The following ZNF90 variants were observed in gnomAD, a reference collection of about 807,000 sequenced individuals.
The protein encoded by ZNF90 is zinc finger protein 90, also known as zinc finger protein HTF9.
ZNF90 carries 11 observed loss-of-function variants against 12.0 expected under a neutral mutation model. The observed-to-expected ratio is 0.92, with a 90% CI of 0.58 to 1.52. The LOEUF is 1.52. ZNF90 is among the 40% of genes most tolerant of loss of function. ZNF90 has a pLI of 0.00. For missense variants in ZNF90, 765 were observed against 711.5 expected, an observed-to-expected ratio of 1.08 and a Z score of -0.86; for synonymous variants, 232 against 240.1, an observed-to-expected ratio of 0.97 and a Z score of 0.31.
At chr19:20,112,514 G>A (rs780305466) in intron 3 of ZNF90, among the ~76,000 whole-genome samples, 14 of 151,686 alleles carry the variant, frequency 9.2e-5, no homozygotes, top group African/African-American at 3.4e-4. Context: ...TAGAGACGGG[G>A]TTTCACCATG....
intron 2 of ZNF90, 57 bp from the exon 3 acceptor site, chr19:20,105,164 T>G: frequency 7.3e-7 from 1 of 1,375,748 alleles, no homozygotes; most frequent in Non-Finnish European, 1.0e-6. Context: ...AGCACAGTAC[T>G]AGCTTGTAAT....
At chr19:20,104,421 T>C (rs991258430) in intron 2 of ZNF90, 56 bp downstream of exon 2, 4 of 1,525,914 alleles carry the variant, frequency 2.6e-6, no homozygotes, top group Non-Finnish European at 3.5e-6. Context: ...GTTTTTATGT[T>C]TTTTTGTGGA....
chr19:20,080,252 C>T lies in ZNF90; in HGVS notation c.3+2117C>T, dbSNP rs78401538. On this transcript the variant is annotated intron_variant, in intron 1 of 3. Transcript: ENST00000418063. ...TTGATGAGCACGATGCAATTCTTCA[C>T]CAGGGTCTTGGTACGGACTAGCTCG... 7 of 582,552 alleles carry T rather than the reference C, an allele frequency of 1.2e-5. No homozygotes were observed. The East Asian group carries it at 3.1e-4, about 26-fold the overall frequency. The allele number at this position is 582,552 out of a possible 1,614,324, so 36.1% of individuals were successfully genotyped here.
intron 1 of ZNF90, among the ~76,000 whole-genome samples, chr19:20,085,641 A>G (rs1263496738): frequency 6.6e-6 from 1 of 152,206 alleles, no homozygotes; most frequent in African/African-American, 2.4e-5. Context: ...CCTTCTTTCA[A>G]GTGCATACAT....
intron 3 of ZNF90, 127 bp downstream of exon 3, chr19:20,105,443 G>C (rs533046963): frequency 4.1e-6 from 3 of 734,446 alleles, no homozygotes; most frequent in African/African-American, 1.8e-5. Flanking sequence ...CTGGGATTCT[G>C]TTTTTTGTTT....
chr19:20,094,703 G>C (rs1225262636), intron 1 of ZNF90, among the ~76,000 whole-genome samples: 1 of 152,164 alleles, frequency 6.6e-6, no homozygotes, highest in African/African-American at 2.4e-5. Flanking sequence ...CCATTCATCT[G>C]GGGAGAGGGT....
intron 1 of ZNF90, among the ~76,000 whole-genome samples, chr19:20,092,120 G>T (rs930855610): frequency 4.6e-5 from 7 of 152,136 alleles, no homozygotes; most frequent in Admixed American, 2.0e-4. Flanking sequence ...GTGGGAGGCC[G>T]CATTTAAGTC....
Position 20,118,518 on chromosome 19 carries a change from T to C in ZNF90, c.964T>C (p.Phe322Leu). The C allele has an allele frequency of 6.2e-7, 1 of 1,613,688 alleles. No homozygotes were observed. The highest frequency in any genetic ancestry group is 8.5e-7 in the Non-Finnish European group (1 of 1,179,982). The change falls in exon 4 of 4, where the codon TTC (phenylalanine) becomes CTC (leucine). Residue 322 changes from phenylalanine (F) to leucine (L), a missense_variant. Coordinates refer to ENST00000418063, the MANE Select transcript of ZNF90 (RefSeq NM_007138.2). ...PYKCEECGKA[F>L]KLSSILSTHK... ...CAAATGTGAAGAATGTGGCAAAGCC[T>C]TCAAGCTCTCCTCAATCCTTAGTAC...
intron 1 of ZNF90, among the ~76,000 whole-genome samples, chr19:20,092,674 T>G (rs2088911857): frequency 6.6e-6 from 1 of 152,166 alleles, no homozygotes; most frequent in Non-Finnish European, 1.5e-5. Context: ...GTTGTTGTTT[T>G]GTAGAAGGGA....
rs782693541 is a variant in ZNF90, at chr19:20,104,210, A to ATG, written c.4-19_4-18dup. On this transcript the variant is annotated intron_variant, in intron 1 of 3. Coordinates refer to ENST00000418063, the MANE Select transcript of ZNF90 (RefSeq NM_007138.2). ...CTTTGCCCATGACCACTTGGTAAAA[A>ATG]TGTGTGTGTGTATATGTGTGTTTTT... is the stretch of plus-strand genomic sequence containing the variant. 13 of 1,610,680 alleles carry ATG rather than the reference A, an allele frequency of 8.1e-6. 1 individual carries two copies. The South Asian group carries it at 9.9e-5, about 12-fold the overall frequency.
At position 20,119,625 on chromosome 19, in the gene ZNF90, T is replaced by A; in HGVS notation, c.*265T>A. 1 of 280,796 alleles carries A rather than the reference T, an allele frequency of 3.6e-6. No individual in the cohort carries two copies. 17.4% of individuals were successfully genotyped at this position (280,796 alleles called of 1,614,324 possible). On this transcript the variant is annotated 3_prime_UTR_variant, in exon 4 of 4. Transcript: ENST00000418063. Reference sequence around the variant, plus strand: ...AGCCTATAACAAGTTCTCAATTCTTTTTTTTTTTTTTTAAGAAGGAGTTTC... The same window carrying A: ...AGCCTATAACAAGTTCTCAATTCTTATTTTTTTTTTTTAAGAAGGAGTTTC...
intron 2 of ZNF90, among the ~76,000 whole-genome samples, chr19:20,104,658 A>C (rs998502059): frequency 6.6e-6 from 1 of 152,228 alleles, no homozygotes; most frequent in African/African-American, 2.4e-5. Context: ...AATTGCCACC[A>C]CCAACTTTTG....
rs572838986 is a variant in ZNF90, at chr19:20,093,711, C to A, written c.4-10528C>A. Among the ~76,000 whole-genome samples, 4 of 152,124 alleles carry A rather than the reference C, an allele frequency of 2.6e-5. No individual in the cohort carries two copies. In the South Asian group the frequency reaches 8.3e-4, roughly 32 times the overall value. Reference sequence around the variant, plus strand: ...TTTGAAGCTTGGCCGTCAATACTCACAACAGTTATGGGGGCAAGGAAAACA... The same window carrying A: ...TTTGAAGCTTGGCCGTCAATACTCAAAACAGTTATGGGGGCAAGGAAAACA... On this transcript the variant is annotated intron_variant, in intron 1 of 3. Transcript: ENST00000418063.
intron 1 of ZNF90, among the ~76,000 whole-genome samples, chr19:20,089,999 T>G (rs1415862217): frequency 1.3e-5 from 2 of 151,814 alleles, no homozygotes; most frequent in Non-Finnish European, 2.9e-5. Flanking sequence ...AAGTAAAGAG[T>G]AGAACTTCAT....
intron 2 of ZNF90, 86 bp from the exon 3 acceptor site, chr19:20,105,135 T>C (rs2089023762): frequency 7.2e-6 from 7 of 969,198 alleles, no homozygotes; most frequent in Non-Finnish European, 1.0e-5. Flanking sequence ...TAGACTATTT[T>C]ATCACATCTT....
Position 20,119,376 on chromosome 19 carries a change from T to G in ZNF90, c.*16T>G. The G allele has an allele frequency of 1.3e-6, 2 of 1,549,658 alleles. No individual in the cohort carries two copies. The highest frequency in any genetic ancestry group is 2.4e-5 in the South Asian group (2 of 83,164). On this transcript the variant is annotated 3_prime_UTR_variant, in exon 4 of 4. Coordinates refer to ENST00000418063, the MANE Select transcript of ZNF90 (RefSeq NM_007138.2). ...AAATCTTTGAAATATTCCTCAACCC[T>G]TAATAAACATAAGATAATTCATACT...
Position 20,079,411 on chromosome 19 carries a change from G to A in ZNF90, c.3+1276G>A, listed in dbSNP as rs137962643. Among the ~76,000 whole-genome samples the A allele has an allele frequency of 4.3e-3, 651 of 151,672 alleles. 13 individuals are homozygous for A. Among genetic ancestry groups the A allele is most frequent in the African/African-American group, 0.014 (595 of 41,364 alleles). ...ACTGATAATGATGTTATTGTTTTGA[G>A]GCACTTGTTTGACTTTGTAAAATAA... On this transcript the variant is annotated intron_variant, in intron 1 of 3. Transcript: ENST00000418063.
chr19:20,085,163 T>G (rs2088848670), intron 1 of ZNF90, among the ~76,000 whole-genome samples: 2 of 152,196 alleles, frequency 1.3e-5, no homozygotes, highest in African/African-American at 2.4e-5. Flanking sequence ...TCCAGCACCA[T>G]TTATGAAACA....
intron 1 of ZNF90, among the ~76,000 whole-genome samples, chr19:20,094,542 C>G (rs1241478367): frequency 6.6e-6 from 1 of 152,104 alleles, no homozygotes; most frequent in African/African-American, 2.4e-5. Context: ...AGGCAGGAAA[C>G]CATGTAATCT....
Sources: gnomAD v4.1 joint callset for allele counts (sites outside exome capture counted in the v4.1 genomes callset) on GRCh38, gnomAD v4.1.1 for gene constraint, MANE v1.5 for transcripts, NCBI Gene and HGNC (gene_info 2026-07-23, HGNC 2026-07-21) for gene names.